The following CCSER2 variants were observed in gnomAD, a reference collection of about 807,000 sequenced individuals.
The protein encoded by CCSER2 is coiled-coil serine rich protein 2, also known as serine-rich coiled-coil domain-containing protein 2.
CCSER2 carries 46 observed loss-of-function variants against 92.3 expected under a neutral mutation model. That is an observed-to-expected ratio of 0.50 (90% confidence interval 0.39 to 0.64). The LOEUF is 0.64. Among genes scored for constraint, CCSER2 ranks in the 30% least tolerant of loss-of-function variants. The pLI is 0.00. For synonymous variants in CCSER2, 433 were observed against 431.4 expected (o/e 1.00, Z -0.04); for missense variants, 1,244 against 1,238.9 (o/e 1.00, Z -0.06).
chr10:84,487,973 C>G (rs545828079), intron 9 of CCSER2, among the ~76,000 whole-genome samples: 1 of 152,182 alleles, frequency 6.6e-6, no homozygotes, highest in Non-Finnish European at 1.5e-5. Context: ...TTGTCAATGG[C>G]CTTTTCTGCA....
intron 6 of CCSER2, among the ~76,000 whole-genome samples, chr10:84,443,070 T>G (rs1381838477): frequency 1.3e-5 from 2 of 152,032 alleles, no homozygotes; most frequent in Non-Finnish European, 2.9e-5. Context: ...GAAATACCAT[T>G]CAGGACATAG....
At chr10:84,440,838 G>C (rs1385329936) in intron 6 of CCSER2, among the ~76,000 whole-genome samples, 1 of 152,192 alleles carries the variant, frequency 6.6e-6, no homozygotes, top group Admixed American at 6.5e-5. Context: ...ATAGAAGAGA[G>C]TTTTCCCTTA....
intron 1 of CCSER2, among the ~76,000 whole-genome samples, chr10:84,334,814 T>C (rs927748125): frequency 5.3e-5 from 8 of 152,236 alleles, no homozygotes; most frequent in African/African-American, 1.9e-4. Context: ...GAATTTGCTA[T>C]TGATTTTTTT....
intron 1 of CCSER2, among the ~76,000 whole-genome samples, chr10:84,341,880 A>C (rs1211054513): frequency 6.6e-6 from 1 of 152,214 alleles, no homozygotes; most frequent in African/African-American, 2.4e-5. Context: ...AGAGATGAAT[A>C]GGGTAGGTCA....
chr10:84,484,556 T>G (rs917136415), intron 9 of CCSER2, among the ~76,000 whole-genome samples: 2 of 152,188 alleles, frequency 1.3e-5, no homozygotes, highest in African/African-American at 2.4e-5. Flanking sequence ...CTTTTATTTG[T>G]ATTCACTATT....
intron 6 of CCSER2, among the ~76,000 whole-genome samples, chr10:84,441,741 T>A (rs1435295611): frequency 0.11 from 2,041 of 18,964 alleles, 76 homozygotes; most frequent in Non-Finnish European, 0.15. Flanking sequence ...AAAATGTTTT[T>A]TTTTTTTTTT....
intron 6 of CCSER2, among the ~76,000 whole-genome samples, chr10:84,457,286 TTATATA>T (rs74526376): frequency 1.5e-4 from 11 of 72,378 alleles, no homozygotes; most frequent in African/African-American, 2.3e-4. Context: ...ATATTATATA[TTATATA>T]TTATATATAA....
At chr10:84,455,986 C>G (rs1845593618) in intron 6 of CCSER2, 1 of 588,016 alleles carries the variant, frequency 1.7e-6, no homozygotes, top group African/African-American at 1.9e-5. Context: ...TCACGTACTC[C>G]TTTCCTAGTA....
chr10:84,444,914 C>G (rs1844815235), intron 6 of CCSER2, among the ~76,000 whole-genome samples: 1 of 152,150 alleles, frequency 6.6e-6, no homozygotes, highest in African/African-American at 2.4e-5. Flanking sequence ...AGAATGACAA[C>G]AGTAGTAATT....
chr10:84,374,493 C>T (rs1846228596), intron 3 of CCSER2, among the ~76,000 whole-genome samples: 1 of 152,068 alleles, frequency 6.6e-6, no homozygotes, highest in South Asian at 2.1e-4. Flanking sequence ...CAGAGGGTCT[C>T]ACACATATAA....
At chr10:84,391,165 G>T (rs1841497133) in intron 3 of CCSER2, 1 of 812,726 alleles carries the variant, frequency 1.2e-6, no homozygotes, top group African/African-American at 1.7e-5. Flanking sequence ...CCTATCTTCA[G>T]TTGCCACAGC....
chr10:84,394,605 GAGT>G (rs1299644032), intron 3 of CCSER2, among the ~76,000 whole-genome samples: 3 of 152,088 alleles, frequency 2.0e-5, no homozygotes, highest in Admixed American at 2.0e-4. Flanking sequence ...CAGCATTGCT[GAGT>G]ATAGGGTATG....
intron 9 of CCSER2, among the ~76,000 whole-genome samples, chr10:84,496,197 T>A (rs551103942): frequency 8.0e-4 from 122 of 152,326 alleles, no homozygotes; most frequent in Non-Finnish European, 1.5e-4. Context: ...TTTATAAGTT[T>A]CTTAAATATT....
At chr10:84,474,126 A>G (rs570486299) in intron 8 of CCSER2, among the ~76,000 whole-genome samples, 3 of 152,330 alleles carry the variant, frequency 2.0e-5, no homozygotes, top group Non-Finnish European at 4.4e-5. Context: ...CCATAGTTAA[A>G]TAATAGTTCA....
chr10:84,461,186 G>T (rs1247497420), intron 6 of CCSER2, among the ~76,000 whole-genome samples: 1 of 152,010 alleles, frequency 6.6e-6, no homozygotes, highest in African/African-American at 2.4e-5. Context: ...TTTGACCCAA[G>T]GATGATTTAG....
At chr10:84,351,610 T>G (rs1200398829) in intron 1 of CCSER2, among the ~76,000 whole-genome samples, 1 of 152,124 alleles carries the variant, frequency 6.6e-6, no homozygotes, top group African/African-American at 2.4e-5. Context: ...GCTTAAGTGA[T>G]CCTCCCACTG....
rs559661671 is a variant in CCSER2, at chr10:84,487,015, T to G, written c.2325+9351T>G. ...TTAAATAGGGAATCCTTTCCCCATT[T>G]CTTGTTTTTCTCAGGTTTGTCAAAG... is the stretch of plus-strand genomic sequence containing the variant. On this transcript the variant is annotated intron_variant, in intron 9 of 9. Transcript: ENST00000372088. Among the ~76,000 whole-genome samples the G allele has an allele frequency of 1.7e-4, 26 of 152,272 alleles. No individual in the cohort carries two copies. In the South Asian group the frequency reaches 3.1e-3, roughly 18 times the overall value.
rs1843006068 is a variant in CCSER2 at position 84,418,957 on chromosome 10, A to G, written c.1705+1096A>G. On this transcript the variant is annotated intron_variant, in intron 4 of 9. Transcript: ENST00000372088. ...TTGTTCTCACGACAGCAGAAATGCA[A>G]CAGGATGAGCAGAAACATGCATATT... is the stretch of plus-strand genomic sequence containing the variant. Among the ~76,000 whole-genome samples the G allele has an allele frequency of 2.6e-5, 4 of 152,238 alleles. No homozygotes were observed. The South Asian group carries it at 8.3e-4, about 31-fold the overall frequency.
At chr10:84,411,524 A>C (rs1001746211) in intron 3 of CCSER2, among the ~76,000 whole-genome samples, 1 of 151,942 alleles carries the variant, frequency 6.6e-6, no homozygotes, top group Non-Finnish European at 1.5e-5. Flanking sequence ...CTTTACTTCC[A>C]TTGTTAGCTG....
Sources: gnomAD v4.1 joint callset for allele counts (sites outside exome capture counted in the v4.1 genomes callset) on GRCh38, gnomAD v4.1.1 for gene constraint, MANE v1.5 for transcripts, NCBI Gene and HGNC (gene_info 2026-07-23, HGNC 2026-07-21) for gene names.